The following ME1 variants were observed in gnomAD, a reference collection of about 807,000 sequenced individuals.
The protein encoded by ME1 is malic enzyme 1.
A neutral mutation model predicts 66.4 loss-of-function variants in ME1; 74 were observed. The observed-to-expected ratio is 1.11, with a 90% CI of 0.92 to 1.35. The LOEUF (loss-of-function observed/expected upper bound fraction) is 1.35. Among genes scored for constraint, ME1 ranks in the 40% most tolerant of loss-of-function variants. ME1 has a pLI of 0.00. For synonymous variants in ME1, 251 were observed against 235.6 expected (o/e 1.07, Z -0.60); for missense variants, 750 against 694.1 (o/e 1.08, Z -0.90).
chr6:83,304,586 T>C (rs1356652890), intron 6 of ME1, among the ~76,000 whole-genome samples: 1 of 152,142 alleles, frequency 6.6e-6, no homozygotes, highest in African/African-American at 2.4e-5. Context: ...ATTATTTTCA[T>C]GAGGATATGA....
chr6:83,385,266 T>C (rs1371184991), intron 3 of ME1, among the ~76,000 whole-genome samples: 4 of 151,928 alleles, frequency 2.6e-5, no homozygotes, highest in Non-Finnish European at 5.9e-5. Flanking sequence ...AAATTCTTTA[T>C]TTTTAGTAAA....
chr6:83,243,632 A>C (rs1308370077), intron 7 of ME1, among the ~76,000 whole-genome samples: 2 of 104,236 alleles, frequency 1.9e-5, no homozygotes, highest in African/African-American at 9.3e-5. Context: ...ATCTATTATA[A>C]TTACATTATA....
intron 9 of ME1, among the ~76,000 whole-genome samples, chr6:83,235,756 G>A (rs1190637210): frequency 1.3e-5 from 2 of 152,288 alleles, no homozygotes; most frequent in East Asian, 1.9e-4. Flanking sequence ...ATAGGCGTGA[G>A]CCACCACGCA....
At chr6:83,276,693 T>C (rs1767188396) in intron 6 of ME1, among the ~76,000 whole-genome samples, 1 of 151,636 alleles carries the variant, frequency 6.6e-6, no homozygotes. Flanking sequence ...TACAGTATAC[T>C]AAAAAAAAAT....
chr6:83,311,192 G>A (rs1208170640), intron 6 of ME1, among the ~76,000 whole-genome samples: 1 of 152,048 alleles, frequency 6.6e-6, no homozygotes, highest in Non-Finnish European at 1.5e-5. Context: ...ACCTATCTGG[G>A]ACATACTAGA....
intron 3 of ME1, among the ~76,000 whole-genome samples, chr6:83,388,242 A>G (rs1583412486): frequency 6.6e-6 from 1 of 151,712 alleles, no homozygotes; most frequent in East Asian, 1.9e-4. Flanking sequence ...ACGCACCACC[A>G]CACCAGTTGA....
chr6:83,377,646 A>C (rs761204894), intron 3 of ME1, among the ~76,000 whole-genome samples: 19 of 152,022 alleles, frequency 1.2e-4, no homozygotes, highest in Non-Finnish European at 2.5e-4. Flanking sequence ...TTAATTTAAA[A>C]GGGAGAGGTA....
At chr6:83,257,385 T>C (rs1766793152) in intron 6 of ME1, among the ~76,000 whole-genome samples, 1 of 151,978 alleles carries the variant, frequency 6.6e-6, no homozygotes, top group African/African-American at 2.4e-5. Context: ...TATAAAATAG[T>C]AATAAAAATA....
intron 2 of ME1, among the ~76,000 whole-genome samples, chr6:83,399,481 A>G (rs752393442): frequency 6.6e-6 from 1 of 152,222 alleles, no homozygotes; most frequent in Admixed American, 6.5e-5. Flanking sequence ...GAAAGATTTC[A>G]TCCTTTGACT....
intron 9 of ME1, among the ~76,000 whole-genome samples, chr6:83,234,633 C>G (rs1257493042): frequency 5.9e-5 from 9 of 152,126 alleles, no homozygotes; most frequent in Non-Finnish European, 1.3e-4. Flanking sequence ...TTTCACTCAC[C>G]TCTGGTTATG....
At chr6:83,334,056 G>A (rs956796234) in intron 5 of ME1, among the ~76,000 whole-genome samples, 2 of 152,114 alleles carry the variant, frequency 1.3e-5, no homozygotes, top group African/African-American at 2.4e-5. Context: ...CTGAGGTACC[G>A]GGTTCTTCTC....
intron 9 of ME1, among the ~76,000 whole-genome samples, chr6:83,235,846 G>A (rs1203705680): frequency 1.3e-5 from 2 of 151,948 alleles, no homozygotes; most frequent in Admixed American, 6.6e-5. Flanking sequence ...TACTACAAAA[G>A]TTATGCATAT....
At chr6:83,360,149 T>C (rs1370161332) in intron 3 of ME1, among the ~76,000 whole-genome samples, 1 of 152,088 alleles carries the variant, frequency 6.6e-6, no homozygotes, top group African/African-American at 2.4e-5. Context: ...CTTGAGCCAG[T>C]TTACAAACCC....
intron 13 of ME1, among the ~76,000 whole-genome samples, chr6:83,214,542 G>A (rs1402699568): frequency 1.3e-5 from 2 of 152,218 alleles, no homozygotes; most frequent in South Asian, 4.1e-4. Flanking sequence ...GCTCAGTTTG[G>A]AGTCTCTTAA....
intron 6 of ME1, among the ~76,000 whole-genome samples, chr6:83,259,797 C>T (rs1562462233): frequency 6.6e-6 from 1 of 152,036 alleles, no homozygotes; most frequent in African/African-American, 2.4e-5. Context: ...ATTTCTCTTA[C>T]CACTCCTTTT....
chr6:83,373,122 CCT>C (rs1306660523), intron 3 of ME1, among the ~76,000 whole-genome samples: 2 of 152,152 alleles, frequency 1.3e-5, no homozygotes, highest in African/African-American at 4.8e-5. Flanking sequence ...AGCATTTATT[CCT>C]GTTAAATAAC....
intron 7 of ME1, among the ~76,000 whole-genome samples, chr6:83,251,781 G>C (rs943158776): frequency 1.3e-5 from 2 of 152,048 alleles, no homozygotes; most frequent in African/African-American, 4.8e-5. Context: ...ACATGCATCA[G>C]ACCATGCATT....
At chr6:83,346,653 A>T (rs184937689) in intron 4 of ME1, among the ~76,000 whole-genome samples, 44 of 152,304 alleles carry the variant, frequency 2.9e-4, no homozygotes, top group African/African-American at 1.0e-3. Context: ...TCAGACTGGG[A>T]ACCAAAAGAA....
At chr6:83,245,497 CCAGGTT>C (rs1790602262) in intron 7 of ME1, among the ~76,000 whole-genome samples, 1 of 152,042 alleles carries the variant, frequency 6.6e-6, no homozygotes, top group South Asian at 2.1e-4. Context: ...CCTCTGCCTC[CCAGGTT>C]CAAGCGATTC....
Sources: allele counts gnomAD v4.1 joint callset (sites outside exome capture counted in the v4.1 genomes callset), GRCh38; gene constraint gnomAD v4.1.1; transcripts MANE v1.5; gene names NCBI Gene and HGNC (gene_info 2026-07-23, HGNC 2026-07-21).